CCDC170: variants seen among roughly 807,000 people sequenced by gnomAD.
CCDC170 encodes coiled-coil domain-containing protein 170.
Under a neutral mutation model 72.6 loss-of-function variants are expected in CCDC170, and 69 were observed. The ratio of observed to expected loss-of-function variants is 0.95; its 90% CI spans 0.78 to 1.16. The LOEUF (loss-of-function observed/expected upper bound fraction) is 1.16. CCDC170 is among the 50% of genes most tolerant of loss of function. The probability of loss-of-function intolerance (pLI) is 0.00; values close to 1 mark genes in which losing one functional copy is unlikely to be tolerated. For missense variants in CCDC170, 852 were observed against 832.5 expected (o/e 1.02, Z -0.29); for synonymous variants, 300 against 303.9 (o/e 0.99, Z 0.13).
chr6:151,568,438 G>A (rs920985997), intron 5 of CCDC170, among the ~76,000 whole-genome samples: 1 of 152,078 alleles, frequency 6.6e-6, no homozygotes, highest in Non-Finnish European at 1.5e-5. Flanking sequence ...GGGGGGAATG[G>A]GTGTGTGCAT....
At chr6:151,494,729 G>A (rs2859823) in intron 1 of CCDC170, among the ~76,000 whole-genome samples, 19,647 of 152,078 alleles carry the variant, frequency 0.13, 1,482 homozygotes, top group East Asian at 0.38. Flanking sequence ...ACCAATGCGC[G>A]CGCGCACACA....
chr6:151,522,525 C>G (rs1372855898), intron 1 of CCDC170, among the ~76,000 whole-genome samples: 1 of 152,146 alleles, frequency 6.6e-6, no homozygotes, highest in Non-Finnish European at 1.5e-5. Flanking sequence ...AAAGTACTCA[C>G]CCCGTCATTC....
At chr6:151,566,556 G>A (rs2115080240) in intron 5 of CCDC170, among the ~76,000 whole-genome samples, 1 of 152,090 alleles carries the variant, frequency 6.6e-6, no homozygotes, top group Admixed American at 6.5e-5. Flanking sequence ...CCAAGCACAA[G>A]TCCAAATTTT....
chr6:151,522,830 G>T (rs548545053), intron 1 of CCDC170, among the ~76,000 whole-genome samples: 7 of 152,184 alleles, frequency 4.6e-5, no homozygotes, highest in Non-Finnish European at 8.8e-5. Context: ...ATAGAAACAA[G>T]CATCGCACCT....
chr6:151,605,779 C>T (rs1404810001), intron 9 of CCDC170, among the ~76,000 whole-genome samples: 1 of 151,998 alleles, frequency 6.6e-6, no homozygotes, highest in African/African-American at 2.4e-5. Context: ...CAGGAACTGT[C>T]TCATCTTTAT....
At chr6:151,526,650 G>A (rs1311704687) in intron 1 of CCDC170, among the ~76,000 whole-genome samples, 2 of 151,864 alleles carry the variant, frequency 1.3e-5, no homozygotes, top group Non-Finnish European at 2.9e-5. Flanking sequence ...TGAGTAGCTG[G>A]GATTATGGCG....
Position 151,615,627 on chromosome 6 carries a change from A to G in CCDC170, c.1895A>G (p.Glu632Gly). The change falls in exon 10 of 11, where the codon GAA becomes GGA. Residue 632 changes from glutamate to glycine, a missense_variant. Physicochemically the swap from Glu to Gly is moderately conservative, Grantham distance 98. Transcript: ENST00000239374. ...ARNMIEVVTSEMKTLKKSLEE... is the reference protein window; with the variant it reads ...ARNMIEVVTSGMKTLKKSLEE... ...AACATGATAGAAGTGGTAACCAGTG[A>G]AATGAAGACACTAAAAAAATCTCTG... 6.2e-7 allele frequency: 1 copy of G among 1,614,148 alleles called. No homozygotes were observed. Among genetic ancestry groups the G allele is most frequent in the South Asian group, 1.1e-5 (1 of 91,086 alleles).
chr6:151,527,722 A>G (rs1782432214), intron 1 of CCDC170, among the ~76,000 whole-genome samples: 1 of 152,092 alleles, frequency 6.6e-6, no homozygotes, highest in African/African-American at 2.4e-5. Flanking sequence ...AGAGGTAGAG[A>G]AGAGACAGGC....
chr6:151,554,758 G>A (rs1005401470), intron 5 of CCDC170, among the ~76,000 whole-genome samples: 4 of 151,990 alleles, frequency 2.6e-5, no homozygotes, highest in East Asian at 1.9e-4. Context: ...GAGACACTGC[G>A]CAGAGCGGTT....
At chr6:151,498,743 CTG>C (rs1449048442) in intron 1 of CCDC170, among the ~76,000 whole-genome samples, 2 of 149,406 alleles carry the variant, frequency 1.3e-5, no homozygotes, top group Non-Finnish European at 3.0e-5. Context: ...TGGAATCAGA[CTG>C]TATTTCAGTA....
chr6:151,574,882 T>C (rs1376012272), intron 6 of CCDC170, among the ~76,000 whole-genome samples: 3 of 152,232 alleles, frequency 2.0e-5, no homozygotes, highest in Admixed American at 2.0e-4. Context: ...AAATATTAAC[T>C]ATTGCTGCTG....
At chr6:151,576,696 C>T (rs1488718109) in intron 6 of CCDC170, among the ~76,000 whole-genome samples, 1 of 152,090 alleles carries the variant, frequency 6.6e-6, no homozygotes, top group Non-Finnish European at 1.5e-5. Context: ...AAGCATATAG[C>T]TGGTGTCTTG....
chr6:151,601,480 A>G (rs1776708474), intron 9 of CCDC170, among the ~76,000 whole-genome samples: 1 of 151,948 alleles, frequency 6.6e-6, no homozygotes, highest in African/African-American at 2.4e-5. Flanking sequence ...CTCCAGAAAA[A>G]CAGAAGCAAT....
intron 6 of CCDC170, among the ~76,000 whole-genome samples, chr6:151,582,038 A>C (rs1227805991): frequency 6.6e-6 from 1 of 152,220 alleles, no homozygotes; most frequent in Non-Finnish European, 1.5e-5. Context: ...GGTCTTCAGA[A>C]TGGTAAATGA....
intron 1 of CCDC170, among the ~76,000 whole-genome samples, chr6:151,532,747 C>T (rs6917873): frequency 0.034 from 5,142 of 152,168 alleles, 288 homozygotes; most frequent in African/African-American, 0.12. Flanking sequence ...GTAACAATAT[C>T]GACAAAATTT....
chr6:151,517,733 T>G (rs1373523457), intron 1 of CCDC170, among the ~76,000 whole-genome samples: 1 of 152,026 alleles, frequency 6.6e-6, no homozygotes. Context: ...TGAGCCACCG[T>G]GCCCGGCCAC....
intron 1 of CCDC170, among the ~76,000 whole-genome samples, chr6:151,521,985 C>CAAAAAAAA (rs34730093): frequency 2.6e-5 from 2 of 78,294 alleles, no homozygotes; most frequent in Non-Finnish European, 5.1e-5. Context: ...GACTCTGTCT[C>CAAAAAAAA]AAAAAAAAAA....
intron 1 of CCDC170, among the ~76,000 whole-genome samples, chr6:151,503,047 C>T (rs370242804): frequency 7.2e-5 from 11 of 151,872 alleles, no homozygotes; most frequent in South Asian, 2.1e-4. Flanking sequence ...CATGGTGGTG[C>T]GCACCTGTAG....
chr6:151,557,316 G>A (rs867159605), intron 5 of CCDC170, among the ~76,000 whole-genome samples: 1 of 151,938 alleles, frequency 6.6e-6, no homozygotes, highest in African/African-American at 2.4e-5. Context: ...GGCTGAGGCA[G>A]GAGAATGGCA....
Sources: gnomAD v4.1 joint callset for allele counts (sites outside exome capture counted in the v4.1 genomes callset) on GRCh38, gnomAD v4.1.1 for gene constraint, MANE v1.5 for transcripts, NCBI Gene and HGNC (gene_info 2026-07-23, HGNC 2026-07-21) for gene names.